The following NCAM2 variants were observed in gnomAD, a reference collection of about 807,000 sequenced individuals.
NCAM2 encodes N-CAM-2.
In NCAM2, 30 loss-of-function variants were observed where a neutral mutation model predicts 98.1. The ratio of observed to expected loss-of-function variants is 0.31; its 90% CI spans 0.23 to 0.41. The LOEUF is 0.41. Among genes scored for constraint, NCAM2 ranks in the 10% least tolerant of loss-of-function variants. NCAM2 has a pLI of 1.00. For missense variants in NCAM2, 867 were observed against 1,005.8 expected (o/e 0.86, Z 1.87); for synonymous variants, 368 against 342.4 (o/e 1.07, Z -0.83).
intron 1 of NCAM2, among the ~76,000 whole-genome samples, chr21:21,209,713 A>T (rs2069574865): frequency 6.6e-6 from 1 of 152,176 alleles, no homozygotes; most frequent in Non-Finnish European, 1.5e-5. Flanking sequence ...TCTGTGTTAA[A>T]AAATTAAAAG....
chr21:21,390,117 G>A (rs1352873943), intron 9 of NCAM2, among the ~76,000 whole-genome samples: 3 of 151,808 alleles, frequency 2.0e-5, no homozygotes, highest in East Asian at 3.9e-4. Context: ...CAAAGTGCTG[G>A]GATTACAGGT....
chr21:21,189,311 T>C (rs1337218538), intron 1 of NCAM2, among the ~76,000 whole-genome samples: 2 of 152,142 alleles, frequency 1.3e-5, no homozygotes, highest in East Asian at 3.9e-4. Flanking sequence ...TAAAACTGGG[T>C]CATTTCTTAA....
Position 21,062,295 on chromosome 21 carries a change from C to T in NCAM2, c.55+63677C>T, listed in dbSNP as rs1178616158. Among the ~76,000 whole-genome samples, 4 of 152,080 alleles carry T rather than the reference C, an allele frequency of 2.6e-5. No homozygotes were observed. In the East Asian group the frequency reaches 7.7e-4, roughly 29 times the overall value. ...GAAATATCTCAAAGTATTTTGTAGT[C>T]GTTTTTATTTTGCTTTTTTTTCGCC... is the stretch of plus-strand genomic sequence containing the variant. On this transcript the variant is annotated intron_variant, in intron 1 of 17. Coordinates refer to ENST00000400546, the MANE Select transcript of NCAM2 (RefSeq NM_004540.5).
intron 1 of NCAM2, among the ~76,000 whole-genome samples, chr21:21,182,420 T>C (rs901615337): frequency 6.6e-6 from 1 of 152,166 alleles, no homozygotes; most frequent in African/African-American, 2.4e-5. Flanking sequence ...TGGTTACTAT[T>C]TTCACATTAA....
rs148188340 is a variant in NCAM2 at position 21,014,630 on chromosome 21, C to T, written c.55+16012C>T. 1.5e-3 allele frequency among the ~76,000 whole-genome samples: 223 copies of T among 152,248 alleles called. 2 individuals carry two copies. Among genetic ancestry groups the T allele is most frequent in the Non-Finnish European group, 2.6e-3 (177 of 68,020 alleles). ...ATGCCTCTGCTCAATCAAGAGCTGT[C>T]GTGGAGATTTACAAAAAGATCAACA... On this transcript the variant is annotated intron_variant, in intron 1 of 17. Coordinates refer to ENST00000400546, the MANE Select transcript of NCAM2 (RefSeq NM_004540.5).
At chr21:21,295,622 C>G (rs769992055) in intron 5 of NCAM2, among the ~76,000 whole-genome samples, 4 of 151,628 alleles carry the variant, frequency 2.6e-5, no homozygotes, top group African/African-American at 9.7e-5. Flanking sequence ...TTTTTCCTTC[C>G]GCCATGAAAA....
intron 2 of NCAM2, 102 bp from the exon 3 acceptor site, chr21:21,284,092 T>A: frequency 1.2e-6 from 1 of 858,764 alleles, no homozygotes; most frequent in East Asian, 2.7e-5. Flanking sequence ...TTACATAATT[T>A]TTTTTCTAAA....
At chr21:21,161,805 G>A (rs1039490940) in intron 1 of NCAM2, among the ~76,000 whole-genome samples, 1 of 151,940 alleles carries the variant, frequency 6.6e-6, no homozygotes, top group Non-Finnish European at 1.5e-5. Context: ...CACTTAGTAC[G>A]TAATTGATAA....
chr21:21,334,133 A>G (rs1021508425), intron 6 of NCAM2, among the ~76,000 whole-genome samples: 1 of 151,970 alleles, frequency 6.6e-6, no homozygotes, highest in African/African-American at 2.4e-5. Flanking sequence ...GAGTTTCACT[A>G]TGTTGGCCAG....
At chr21:21,219,310 G>A (rs2070038726) in intron 1 of NCAM2, among the ~76,000 whole-genome samples, 1 of 152,122 alleles carries the variant, frequency 6.6e-6, no homozygotes, top group African/African-American at 2.4e-5. Context: ...ATTTGCTTCA[G>A]CAGCAAATAG....
At chr21:21,451,433 A>G (rs1474873106) in intron 12 of NCAM2, among the ~76,000 whole-genome samples, 1 of 152,198 alleles carries the variant, frequency 6.6e-6, no homozygotes, top group East Asian at 1.9e-4. Flanking sequence ...TTCTTAATGA[A>G]CATGAGTAAA....
At chr21:21,061,036 A>T (rs1488632246) in intron 1 of NCAM2, among the ~76,000 whole-genome samples, 1 of 152,130 alleles carries the variant, frequency 6.6e-6, no homozygotes, top group African/African-American at 2.4e-5. Context: ...TTAAGGTATA[A>T]GTTTGCTGAG....
chr21:21,402,798 T>C (rs988789608), intron 9 of NCAM2, among the ~76,000 whole-genome samples: 13 of 152,126 alleles, frequency 8.5e-5, no homozygotes, highest in Non-Finnish European at 1.5e-5. Flanking sequence ...TTAGGGAAAA[T>C]ATAAAGAACC....
intron 15 of NCAM2, among the ~76,000 whole-genome samples, chr21:21,500,817 A>T (rs541851737): frequency 2.6e-5 from 4 of 152,062 alleles, no homozygotes; most frequent in Non-Finnish European, 5.9e-5. Context: ...AGTTTTGTTA[A>T]TATAAGACAT....
chr21:21,451,338 ATTCT>A (rs538733165), intron 12 of NCAM2, among the ~76,000 whole-genome samples: 79 of 152,300 alleles, frequency 5.2e-4, no homozygotes, highest in Non-Finnish European at 9.4e-4. Context: ...TGATCGTTTT[ATTCT>A]TTCTTTGGAA....
chr21:21,370,907 T>A (rs1451568829), intron 8 of NCAM2, among the ~76,000 whole-genome samples: 1 of 151,910 alleles, frequency 6.6e-6, no homozygotes, highest in African/African-American at 2.4e-5. Context: ...AATTATTACA[T>A]TCAATTCCTA....
chr21:21,156,713 T>G (rs918981690), intron 1 of NCAM2, among the ~76,000 whole-genome samples: 2 of 152,006 alleles, frequency 1.3e-5, no homozygotes, highest in Non-Finnish European at 2.9e-5. Flanking sequence ...GACTTGAGAG[T>G]AACTGAACTT....
chr21:21,175,526 C>A (rs1382585332), intron 1 of NCAM2, among the ~76,000 whole-genome samples: 5 of 151,504 alleles, frequency 3.3e-5, no homozygotes, highest in Non-Finnish European at 7.4e-5. Flanking sequence ...GAGCGAGACT[C>A]CGTCTCAAAA....
chr21:21,389,523 G>A (rs377188786), intron 9 of NCAM2, among the ~76,000 whole-genome samples: 4 of 152,042 alleles, frequency 2.6e-5, no homozygotes, highest in South Asian at 4.1e-4. Flanking sequence ...CAATCACTAC[G>A]TCTTATTCCT....
Sources: allele counts gnomAD v4.1 joint callset (sites outside exome capture counted in the v4.1 genomes callset), GRCh38; gene constraint gnomAD v4.1.1; transcripts MANE v1.5; gene names NCBI Gene and HGNC (gene_info 2026-07-23, HGNC 2026-07-21).